The following CACNA2D3 variants were observed in gnomAD, a reference collection of about 807,000 sequenced individuals.
CACNA2D3 encodes calcium voltage-gated channel auxiliary subunit alpha2delta 3, also known as voltage-dependent calcium channel subunit alpha-2/delta-3.
CACNA2D3 carries 60 observed loss-of-function variants against 160.6 expected under a neutral mutation model. The observed-to-expected ratio is 0.37, with a 90% CI of 0.30 to 0.46. The LOEUF (loss-of-function observed/expected upper bound fraction) is 0.46. CACNA2D3 is among the 20% of genes least tolerant of loss of function. The pLI, the probability that CACNA2D3 is intolerant of heterozygous loss-of-function variation, is 1.00. For synonymous variants in CACNA2D3, 558 were observed against 492.9 expected, an observed-to-expected ratio of 1.13 and a Z score of -1.75; for missense variants, 1,205 against 1,365.0, an observed-to-expected ratio of 0.88 and a Z score of 1.85.
intron 9 of CACNA2D3, among the ~76,000 whole-genome samples, chr3:54,597,054 T>A (rs571871261): frequency 6.6e-6 from 1 of 152,152 alleles, no homozygotes; most frequent in Non-Finnish European, 1.5e-5. Flanking sequence ...ATAGATAGCA[T>A]TGAATGAAGG....
chr3:54,405,269 TAAAA>T (rs34019072), intron 4 of CACNA2D3, among the ~76,000 whole-genome samples: 58 of 100,894 alleles, frequency 5.7e-4, no homozygotes, highest in Middle Eastern at 6.2e-3. Flanking sequence ...TACTACTCAG[TAAAA>T]AAAAAAAAAA....
chr3:54,876,693 G>A (rs889786724), intron 18 of CACNA2D3, among the ~76,000 whole-genome samples: 6 of 152,208 alleles, frequency 3.9e-5, no homozygotes, highest in Non-Finnish European at 8.8e-5. Context: ...CTTCTTATCT[G>A]TGCCTATTTC....
chr3:54,922,129 A>G (rs1159650412), intron 27 of CACNA2D3, among the ~76,000 whole-genome samples: 1 of 152,094 alleles, frequency 6.6e-6, no homozygotes, highest in African/African-American at 2.4e-5. Flanking sequence ...GGCGTGTTGA[A>G]ATGCGTCACA....
rs10656572 is a variant in CACNA2D3 at position 54,249,662 on chromosome 3, T to TACACACACAC, written c.205-70753_205-70744dup. ...CTTAGAACAAATCTCTCTGTTTACGTACACACACACACACACACACACACA... is the reference window on the plus strand; with the variant it reads ...CTTAGAACAAATCTCTCTGTTTACGTACACACACACACACACACACACACACACACACACA... On this transcript the variant is annotated intron_variant, in intron 2 of 37. Coordinates refer to ENST00000474759, the MANE Select transcript of CACNA2D3 (RefSeq NM_018398.3). Among the ~76,000 whole-genome samples, 1,091 of 132,878 alleles carry TACACACACAC rather than the reference T, an allele frequency of 8.2e-3. 12 individuals are homozygous for TACACACACAC. Among genetic ancestry groups the TACACACACAC allele is most frequent in the African/African-American group, 0.013 (477 of 35,538 alleles). 87.2% of individuals were successfully genotyped at this position (132,878 alleles called of 152,430 possible). A position where few individuals can be genotyped will look rare whatever the true frequency, so the allele number is the denominator to read the frequency against.
At chr3:54,828,981 C>T (rs1476143823) in intron 14 of CACNA2D3, among the ~76,000 whole-genome samples, 2 of 152,196 alleles carry the variant, frequency 1.3e-5, no homozygotes, top group African/African-American at 2.4e-5. Context: ...ATTTCTTATT[C>T]TTGTTTCTTA....
chr3:54,316,269 T>C (rs1703861066), intron 2 of CACNA2D3, among the ~76,000 whole-genome samples: 1 of 152,230 alleles, frequency 6.6e-6, no homozygotes, highest in Non-Finnish European at 1.5e-5. Context: ...GGTTTTCTAC[T>C]GTAGGTACCT....
intron 4 of CACNA2D3, among the ~76,000 whole-genome samples, chr3:54,446,982 G>T (rs1700232711): frequency 6.6e-6 from 1 of 152,156 alleles, no homozygotes; most frequent in African/African-American, 2.4e-5. Context: ...TATCCTAGAA[G>T]GAGCGTTTTT....
At chr3:54,214,609 G>T (rs999303474) in intron 2 of CACNA2D3, among the ~76,000 whole-genome samples, 1 of 152,142 alleles carries the variant, frequency 6.6e-6, no homozygotes, top group Non-Finnish European at 1.5e-5. Context: ...TGACAGAGAG[G>T]TGTGGTTGGT....
chr3:55,054,092 T>G (rs1327259521), intron 35 of CACNA2D3, among the ~76,000 whole-genome samples: 1 of 151,892 alleles, frequency 6.6e-6, no homozygotes, highest in Non-Finnish European at 1.5e-5. Flanking sequence ...GTTTACAGTA[T>G]ACATCTTTAA....
At chr3:55,060,126 C>T (rs1415925124) in intron 35 of CACNA2D3, among the ~76,000 whole-genome samples, 1 of 152,126 alleles carries the variant, frequency 6.6e-6, no homozygotes, top group Non-Finnish European at 1.5e-5. Context: ...GCAGTATTTA[C>T]TTGCCTCCTG....
chr3:55,064,993 A>C (rs1421632156), intron 35 of CACNA2D3, among the ~76,000 whole-genome samples: 1 of 152,208 alleles, frequency 6.6e-6, no homozygotes, highest in African/African-American at 2.4e-5. Flanking sequence ...ATAGGCTGGT[A>C]CTTTTAGAAC....
chr3:54,244,560 T>A (rs1702035637), intron 2 of CACNA2D3, among the ~76,000 whole-genome samples: 1 of 152,094 alleles, frequency 6.6e-6, no homozygotes, highest in South Asian at 2.1e-4. Context: ...GCCTGGCTCA[T>A]AGGTAAGGGC....
intron 11 of CACNA2D3, among the ~76,000 whole-genome samples, chr3:54,714,438 G>C (rs1317263353): frequency 2.0e-5 from 3 of 152,116 alleles, no homozygotes; most frequent in African/African-American, 7.2e-5. Context: ...CAAGCCTTAG[G>C]ATTCAGCTTT....
intron 13 of CACNA2D3, among the ~76,000 whole-genome samples, chr3:54,800,986 CTT>C (rs541320556): frequency 9.2e-5 from 13 of 140,726 alleles, no homozygotes; most frequent in East Asian, 2.1e-4. Context: ...ACTGGAATAT[CTT>C]TTTTTTTTTT....
chr3:54,886,935 C>CTTTTATTT, intron 23 of CACNA2D3, among the ~76,000 whole-genome samples: 1 of 107,754 alleles, frequency 9.3e-6, no homozygotes, highest in African/African-American at 3.9e-5. Flanking sequence ...CAGCAAAGCT[C>CTTTTATTT]TTTTTTTTTT....
At chr3:54,801,099 G>A (rs530299606) in intron 13 of CACNA2D3, among the ~76,000 whole-genome samples, 65 of 150,866 alleles carry the variant, frequency 4.3e-4, no homozygotes, top group Non-Finnish European at 7.4e-4. Context: ...AGATTCTAAC[G>A]CCTCAGCCTC....
intron 2 of CACNA2D3, among the ~76,000 whole-genome samples, chr3:54,174,662 C>A (rs1700639684): frequency 6.6e-6 from 1 of 152,142 alleles, no homozygotes; most frequent in Admixed American, 6.5e-5. Flanking sequence ...GTAGCTGGGA[C>A]TACAGGCGCC....
intron 5 of CACNA2D3, among the ~76,000 whole-genome samples, chr3:54,549,439 C>T (rs1345012324): frequency 8.5e-5 from 13 of 152,188 alleles, no homozygotes; most frequent in Admixed American, 5.9e-4. Flanking sequence ...GAGCGAGACT[C>T]CGTCTCAAAA....
intron 2 of CACNA2D3, among the ~76,000 whole-genome samples, chr3:54,140,960 G>A (rs1370621521): frequency 1.3e-5 from 2 of 152,132 alleles, no homozygotes; most frequent in African/African-American, 4.8e-5. Flanking sequence ...AGGTCTGCCT[G>A]GTCCTCAGCC....
Sources: gnomAD v4.1 joint callset for allele counts (sites outside exome capture counted in the v4.1 genomes callset) on GRCh38, gnomAD v4.1.1 for gene constraint, MANE v1.5 for transcripts, NCBI Gene and HGNC (gene_info 2026-07-23, HGNC 2026-07-21) for gene names.